The following SETX variants were observed in gnomAD, a reference collection of about 807,000 sequenced individuals.
SETX encodes the protein helicase senataxin.
Under a neutral mutation model 227.2 loss-of-function variants are expected in SETX, and 90 were observed. That is an observed-to-expected ratio of 0.40 (90% CI 0.33 to 0.47). The LOEUF (loss-of-function observed/expected upper bound fraction) is 0.47. Ranked by LOEUF, SETX falls within the 20% of genes least tolerant of loss-of-function variation. SETX has a pLI of 0.91. For missense variants in SETX, 3,052 were observed against 3,181.5 expected (o/e 0.96, Z 0.98); for synonymous variants, 1,210 against 1,113.2 (o/e 1.09, Z -1.73).
chr9:132,275,976 A>G (rs1057117240), intron 22 of SETX, among the ~76,000 whole-genome samples: 2 of 152,134 alleles, frequency 1.3e-5, no homozygotes, highest in African/African-American at 4.8e-5. Flanking sequence ...GGGGCCCTGG[A>G]GCAGGTTCAT....
chr9:132,343,621 C>T (rs1472542523), intron 4 of SETX, among the ~76,000 whole-genome samples: 1 of 152,004 alleles, frequency 6.6e-6, no homozygotes, highest in Non-Finnish European at 1.5e-5. Flanking sequence ...TTTTCAATAT[C>T]ATAGTTTTTT....
chr9:132,333,233 G>A (rs1847357703), intron 7 of SETX, among the ~76,000 whole-genome samples: 1 of 151,058 alleles, frequency 6.6e-6, no homozygotes, highest in Non-Finnish European at 1.5e-5. Context: ...ACAAAAATTA[G>A]CCAGGTATGG....
upstream of SETX, among the ~76,000 whole-genome samples, chr9:132,356,200 T>TA (rs1554725993): frequency 6.6e-6 from 1 of 151,380 alleles, no homozygotes; most frequent in African/African-American, 2.4e-5. Context: ...GGAAAGCCTA[T>TA]CCCCCCCCTT....
rs1451864356 is a variant in SETX, at chr9:132,295,945, T to C, written c.6033A>G (p.Ala2011=). The C allele has an allele frequency of 1.2e-6, 2 of 1,614,206 alleles. No individual in the cohort carries two copies. The highest frequency in any genetic ancestry group is 4.5e-5 in the East Asian group (2 of 44,888). ...NRVLVCAPSN[A]AVDELMKKII... ...TTTTTTTCATGAGTTCATCAACAGCTGCATTGGAAGGTGCACACACGAGGA... is the reference window on the plus strand; with the variant it reads ...TTTTTTTCATGAGTTCATCAACAGCCGCATTGGAAGGTGCACACACGAGGA... The change falls in exon 15 of 26, where the codon GCA becomes GCG. Residue 2011 remains alanine (A), a synonymous_variant. Transcript: ENST00000224140.
chr9:132,278,793 G>A (rs76114520), intron 20 of SETX, among the ~76,000 whole-genome samples: 2,285 of 152,162 alleles, frequency 0.015, 61 homozygotes, highest in African/African-American at 0.052. Context: ...TATTTCTGGG[G>A]GTACACCCTC....
chr9:132,340,181 G>T (rs62576491), intron 5 of SETX, among the ~76,000 whole-genome samples: 2,509 of 151,820 alleles, frequency 0.017, 25 homozygotes, highest in Non-Finnish European at 0.025. Context: ...CAACAACTTG[G>T]CTTGGTTCTC....
intron 12 of SETX, among the ~76,000 whole-genome samples, chr9:132,299,141 G>A (rs138070694): frequency 4.1e-4 from 62 of 152,298 alleles, no homozygotes; most frequent in East Asian, 3.9e-4. Flanking sequence ...CAAATTAGAA[G>A]TGAGGTGTGA....
chr9:132,341,686 T>C (rs973877479), intron 5 of SETX, among the ~76,000 whole-genome samples: 8 of 152,236 alleles, frequency 5.3e-5, no homozygotes, highest in African/African-American at 1.9e-4. Flanking sequence ...ACCTTTTTAA[T>C]ACTTTGGCAA....
At chr9:132,333,936 T>C (rs1479019928) in intron 7 of SETX, among the ~76,000 whole-genome samples, 1 of 152,086 alleles carries the variant, frequency 6.6e-6, no homozygotes, top group African/African-American at 2.4e-5. Context: ...TAATCACATG[T>C]GGCTGGCAGT....
At chr9:132,289,566 C>T (rs1844161253) in intron 15 of SETX, among the ~76,000 whole-genome samples, 1 of 152,022 alleles carries the variant, frequency 6.6e-6, no homozygotes, top group Non-Finnish European at 1.5e-5. Context: ...AGGCTGATCC[C>T]CAACACTCTT....
At chr9:132,345,864 A>G (rs532579796) in intron 4 of SETX, among the ~76,000 whole-genome samples, 2 of 152,210 alleles carry the variant, frequency 1.3e-5, no homozygotes, top group African/African-American at 4.8e-5. Context: ...TAAACACAAC[A>G]TAAAATTAGC....
chr9:132,330,959 A>G, intron 9 of SETX, 93 bp downstream of exon 9: 1 of 973,120 alleles, frequency 1.0e-6, no homozygotes, highest in Middle Eastern at 3.0e-4. Context: ...ACAGCTACAT[A>G]TCACAAAATC....
chr9:132,283,090 A>C, intron 19 of SETX, 174 bp downstream of exon 19: 1 of 788,336 alleles, frequency 1.3e-6, no homozygotes, highest in Non-Finnish European at 2.0e-6. Flanking sequence ...CACTTTCACT[A>C]TGGAGGGTCA....
intron 15 of SETX, among the ~76,000 whole-genome samples, chr9:132,291,808 T>C (rs1225868204): frequency 6.6e-6 from 1 of 152,152 alleles, no homozygotes; most frequent in East Asian, 1.9e-4. Context: ...GAGTTTGACA[T>C]TGCTAAAGCT....
At position 132,261,869 on chromosome 9, in the gene SETX, G is replaced by A; in HGVS notation, c.*2370C>T. On this transcript the variant is annotated 3_prime_UTR_variant, in exon 26 of 26. Transcript: ENST00000224140. ...AGAAGACAGGGAACTTTCTTTTAAT[G>A]CCATGGCAAAGACGAAGCGAAGAGC... 1 of 154,622 alleles carries A rather than the reference G, an allele frequency of 6.5e-6. No individual in the cohort carries two copies. Among genetic ancestry groups the A allele is most frequent in the African/African-American group, 2.4e-5 (1 of 41,642 alleles). 9.6% of individuals were successfully genotyped at this position (154,622 alleles called of 1,614,324 possible).
chr9:132,345,949 G>A (rs551444541), intron 4 of SETX, among the ~76,000 whole-genome samples: 10 of 152,160 alleles, frequency 6.6e-5, no homozygotes, highest in Non-Finnish European at 1.2e-4. Context: ...AGCCCAGGAG[G>A]TAGAGGCTGC....
intron 1 of SETX, among the ~76,000 whole-genome samples, chr9:132,354,644 A>G (rs1250317225): frequency 6.6e-6 from 1 of 151,754 alleles, no homozygotes; most frequent in Admixed American, 6.6e-5. Context: ...CACCAAAAAC[A>G]GCTCACACGA....
rs767785319 is a variant in SETX at position 132,330,323 on chromosome 9, A to G, written c.1275T>C (p.Gly425=). 6.2e-7 allele frequency: 1 copy of G among 1,612,848 alleles called. No individual in the cohort carries two copies. The highest frequency in any genetic ancestry group is 8.5e-7 in the Non-Finnish European group (1 of 1,178,932). ...VQSLMDLKDL[G]VAYIAQVVNH... ...TAACAACCTGTGCTATGTAAGCCAC[A>G]CCCAAATCCTTAAGATCCATGAGGG... The change falls in exon 10 of 26, where the codon GGT becomes GGC. Residue 425 remains glycine, a synonymous_variant. Transcript: ENST00000224140.
At chr9:132,275,206 C>T (rs373564318) in intron 23 of SETX, 50 bp downstream of exon 23, 4 of 1,577,016 alleles carry the variant, frequency 2.5e-6, no homozygotes, top group Non-Finnish European at 3.5e-6. Context: ...TCTATATCCT[C>T]TCATTCTAAT....
Sources: allele counts gnomAD v4.1 joint callset (sites outside exome capture counted in the v4.1 genomes callset), GRCh38; gene constraint gnomAD v4.1.1; transcripts MANE v1.5; gene names NCBI Gene and HGNC (gene_info 2026-07-23, HGNC 2026-07-21).